Variants in RCAN2 observed in about 807,000 individuals in gnomAD.
RCAN2 encodes the protein regulator of calcineurin 2.
Under a neutral mutation model 23.6 loss-of-function variants are expected in RCAN2, and 9 were observed. The ratio of observed to expected loss-of-function variants is 0.38; its 90% confidence interval spans 0.23 to 0.67. RCAN2 has a LOEUF of 0.67. Among genes scored for constraint, RCAN2 ranks in the 30% least tolerant of loss-of-function variants. The probability of loss-of-function intolerance (pLI) is 0.51; values close to 1 mark genes in which losing one functional copy is unlikely to be tolerated. For synonymous variants in RCAN2, 109 were observed against 115.7 expected (o/e 0.94, Z 0.37); for missense variants, 273 against 302.3 (o/e 0.90, Z 0.72).
chr6:46,458,633 A>G (rs1582219028), intron 1 of RCAN2, among the ~76,000 whole-genome samples: 1 of 152,268 alleles, frequency 6.6e-6, no homozygotes, highest in Non-Finnish European at 1.5e-5. Context: ...ATAATCTAAA[A>G]TATATGAATA....
At chr6:46,446,348 C>T (rs2150425821) in intron 2 of RCAN2, among the ~76,000 whole-genome samples, 1 of 151,888 alleles carries the variant, frequency 6.6e-6, no homozygotes. Flanking sequence ...AATTCTTTAC[C>T]CAGCAAATCT....
At chr6:46,418,486 AC>A in intron 2 of RCAN2, among the ~76,000 whole-genome samples, 1 of 151,526 alleles carries the variant, frequency 6.6e-6, no homozygotes, top group African/African-American at 2.4e-5. Flanking sequence ...CCTTGTAACC[AC>A]CCTTTAATGA....
intron 2 of RCAN2, among the ~76,000 whole-genome samples, chr6:46,347,860 T>A (rs1419062074): frequency 6.6e-6 from 1 of 152,256 alleles, no homozygotes; most frequent in Non-Finnish European, 1.5e-5. Context: ...TTGGGTTGAC[T>A]CACTAAGAGA....
intron 2 of RCAN2, among the ~76,000 whole-genome samples, chr6:46,392,134 T>C (rs569823901): frequency 6.6e-6 from 1 of 152,282 alleles, no homozygotes; most frequent in Non-Finnish European, 1.5e-5. Flanking sequence ...AATGTACATG[T>C]AAGCCATGCT....
intron 2 of RCAN2, among the ~76,000 whole-genome samples, chr6:46,381,697 T>A (rs73453032): frequency 0.055 from 8,307 of 152,266 alleles, 473 homozygotes; most frequent in African/African-American, 0.14. Context: ...CTTTCTGCCT[T>A]GGCCACAGTC....
chr6:46,454,396 T>C (rs776889131), intron 2 of RCAN2, among the ~76,000 whole-genome samples: 11 of 152,206 alleles, frequency 7.2e-5, no homozygotes, highest in Admixed American at 6.5e-5. Flanking sequence ...CCAGCAATCA[T>C]GCCTCCTGGC....
intron 2 of RCAN2, among the ~76,000 whole-genome samples, chr6:46,266,387 T>C (rs1044372277): frequency 6.6e-6 from 1 of 152,176 alleles, no homozygotes; most frequent in African/African-American, 2.4e-5. Flanking sequence ...TGCACGTTCT[T>C]TATTTTGACT....
intron 4 of RCAN2, among the ~76,000 whole-genome samples, chr6:46,231,856 G>T (rs1284499147): frequency 6.6e-6 from 1 of 152,152 alleles, no homozygotes; most frequent in Non-Finnish European, 1.5e-5. Flanking sequence ...AGGCTTTCCT[G>T]GGTGAGGGCA....
chr6:46,330,439 C>T (rs1763932217), intron 2 of RCAN2, among the ~76,000 whole-genome samples: 1 of 152,226 alleles, frequency 6.6e-6, no homozygotes, highest in Admixed American at 6.5e-5. Context: ...CATATCATTT[C>T]ATTTATAAAT....
At chr6:46,467,501 C>T (rs1768420032) in intron 1 of RCAN2, among the ~76,000 whole-genome samples, 1 of 152,248 alleles carries the variant, frequency 6.6e-6, no homozygotes, top group South Asian at 2.1e-4. Context: ...CTCAACAGAG[C>T]AACCTTCTGT....
At chr6:46,409,879 G>A (rs1182518630) in intron 2 of RCAN2, among the ~76,000 whole-genome samples, 1 of 152,204 alleles carries the variant, frequency 6.6e-6, no homozygotes, top group East Asian at 1.9e-4. Flanking sequence ...ATGCCTGTGA[G>A]GGTGTTTCCA....
intron 2 of RCAN2, among the ~76,000 whole-genome samples, chr6:46,300,435 T>C (rs999753462): frequency 1.3e-5 from 2 of 151,944 alleles, no homozygotes; most frequent in South Asian, 4.1e-4. Context: ...ATGATAGAAA[T>C]GGTATATAAA....
chr6:46,232,185 C>T (rs1765915720), intron 4 of RCAN2, among the ~76,000 whole-genome samples: 1 of 152,260 alleles, frequency 6.6e-6, no homozygotes, highest in Non-Finnish European at 1.5e-5. Context: ...ATAGTTGGCA[C>T]TAACCCAGCA....
chr6:46,456,423 G>A (rs1030773881), intron 2 of RCAN2, among the ~76,000 whole-genome samples: 6 of 152,184 alleles, frequency 3.9e-5, no homozygotes, highest in Non-Finnish European at 8.8e-5. Flanking sequence ...AGAGGAAAAG[G>A]AAACTTTTAG....
rs569128941 is a variant in RCAN2 at position 46,406,906 on chromosome 6, T to C, written c.225+49846A>G. ...AAATTACAATATTTCAGTAGAAGACTGGGTACACAATTATGTGCTGGGCGA... is the reference window on the plus strand; with the variant it reads ...AAATTACAATATTTCAGTAGAAGACCGGGTACACAATTATGTGCTGGGCGA... On this transcript the variant is annotated intron_variant, in intron 2 of 4. Coordinates refer to ENST00000371374, the MANE Select transcript of RCAN2 (RefSeq NM_001251974.2). Among the ~76,000 whole-genome samples, 3 of 152,346 alleles carry C rather than the reference T, an allele frequency of 2.0e-5. No homozygotes were observed. In the South Asian group the frequency reaches 6.2e-4, roughly 32 times the overall value.
intron 1 of RCAN2, among the ~76,000 whole-genome samples, chr6:46,463,084 GA>G (rs1768271617): frequency 6.6e-6 from 1 of 152,186 alleles, no homozygotes. Flanking sequence ...TGTGTGACCA[GA>G]AAGGGTTGGG....
intron 2 of RCAN2, among the ~76,000 whole-genome samples, chr6:46,431,017 C>A (rs531565924): frequency 1.3e-5 from 2 of 152,200 alleles, no homozygotes; most frequent in African/African-American, 4.8e-5. Flanking sequence ...AAGACAGAAG[C>A]AGAATATGGA....
intron 2 of RCAN2, among the ~76,000 whole-genome samples, chr6:46,447,354 TAGAG>T (rs1308948573): frequency 6.6e-6 from 1 of 151,434 alleles, no homozygotes; most frequent in African/African-American, 2.4e-5. Context: ...AGAGAGAGAA[TAGAG>T]AGAGAGAATA....
chr6:46,232,861 T>A (rs1182965670), intron 4 of RCAN2, among the ~76,000 whole-genome samples: 3 of 148,322 alleles, frequency 2.0e-5, no homozygotes, highest in African/African-American at 7.4e-5. Flanking sequence ...TTTAGTAGAA[T>A]CTACATGTGT....
Sources: gnomAD v4.1 joint callset for allele counts (sites outside exome capture counted in the v4.1 genomes callset) on GRCh38, gnomAD v4.1.1 for gene constraint, MANE v1.5 for transcripts, NCBI Gene and HGNC (gene_info 2026-07-23, HGNC 2026-07-21) for gene names.